The following MICAL3 variants were observed in gnomAD, a reference collection of about 807,000 sequenced individuals.
The protein encoded by MICAL3 is microtubule associated monooxygenase, calponin and LIM domain containing 3.
In MICAL3, 62 loss-of-function variants were observed where a neutral mutation model predicts 207.4. The ratio of observed to expected loss-of-function variants is 0.30; its 90% CI spans 0.24 to 0.37. The LOEUF (loss-of-function observed/expected upper bound fraction) is 0.37, where lower values mean the gene tolerates loss of function less well. Among genes scored for constraint, MICAL3 ranks in the 10% least tolerant of loss-of-function variants. The pLI is 1.00. For missense variants in MICAL3, 2,368 were observed against 2,635.6 expected (o/e 0.90, Z 2.22); for synonymous variants, 1,077 against 1,069.3 (o/e 1.01, Z -0.14).
intron 27 of MICAL3, among the ~76,000 whole-genome samples, chr22:17,811,839 G>GCTC (rs2062051591): frequency 2.6e-5 from 4 of 152,178 alleles, no homozygotes; most frequent in Non-Finnish European, 5.9e-5. Context: ...CAAACTCCTG[G>GCTC]ACTCACGTGA....
At chr22:17,811,993 C>T (rs2062053564) in intron 27 of MICAL3, among the ~76,000 whole-genome samples, 2 of 152,176 alleles carry the variant, frequency 1.3e-5, no homozygotes, top group Non-Finnish European at 2.9e-5. Context: ...AAGTGATTCT[C>T]CCACTTCAGC....
At position 17,973,515 on chromosome 22, in the gene MICAL3, G is replaced by A. The variant is rs182745254; in HGVS notation, c.-75+50766C>T. Reference sequence around the variant, plus strand: ...GGGTGTGAAGCTGATGGCCACAACCGACCCCTTCCAGCCCCACTGTGGAAC... The same window carrying A: ...GGGTGTGAAGCTGATGGCCACAACCAACCCCTTCCAGCCCCACTGTGGAAC... On this transcript the variant is annotated intron_variant, in intron 1 of 31. Coordinates refer to ENST00000441493, the MANE Select transcript of MICAL3 (RefSeq NM_015241.3). 9.2e-5 allele frequency among the ~76,000 whole-genome samples: 14 copies of A among 152,286 alleles called. No individual in the cohort carries two copies. In the East Asian group the frequency reaches 1.4e-3, roughly 15 times the overall value.
intron 1 of MICAL3, among the ~76,000 whole-genome samples, chr22:17,949,046 C>T (rs1473110488): frequency 6.7e-6 from 1 of 148,734 alleles, no homozygotes; most frequent in Admixed American, 6.8e-5. Context: ...CCCATCTCTG[C>T]TAAAAATACA....
intron 1 of MICAL3, among the ~76,000 whole-genome samples, chr22:17,998,090 T>A (rs1922496863): frequency 6.6e-6 from 1 of 152,022 alleles, no homozygotes. Context: ...TCACCTGAGG[T>A]CAGGAGTTCG....
intron 19 of MICAL3, among the ~76,000 whole-genome samples, chr22:17,847,145 A>T (rs999400778): frequency 2.6e-5 from 4 of 152,116 alleles, no homozygotes; most frequent in African/African-American, 9.7e-5. Flanking sequence ...TCCTCCCTGC[A>T]GTGGTGGCAA....
intron 16 of MICAL3, chr22:17,872,737 C>G (rs752207582): frequency 6.5e-7 from 1 of 1,541,280 alleles, no homozygotes; most frequent in East Asian, 2.2e-5. Context: ...TGCCTGGAGG[C>G]GTCTCTTACC....
At chr22:18,004,364 C>G (rs896088030) in intron 1 of MICAL3, 2 of 151,268 alleles carry the variant, frequency 1.3e-5, no homozygotes, top group Admixed American at 1.3e-4. Flanking sequence ...TGGGTTCAAG[C>G]GATTCTCCTG....
At chr22:17,911,171 G>C (rs966742507) in intron 1 of MICAL3, among the ~76,000 whole-genome samples, 3 of 152,134 alleles carry the variant, frequency 2.0e-5, no homozygotes, top group Non-Finnish European at 4.4e-5. Flanking sequence ...CTGCAGAGAC[G>C]GCCTCTGAAG....
chr22:17,870,620 G>A (rs1927631757), intron 17 of MICAL3, among the ~76,000 whole-genome samples: 1 of 152,126 alleles, frequency 6.6e-6, no homozygotes, highest in Non-Finnish European at 1.5e-5. Flanking sequence ...TGAGCATCAG[G>A]GACAGCTCAG....
chr22:17,812,381 T>C (rs2145993910), intron 27 of MICAL3: 1 of 275,294 alleles, frequency 3.6e-6, no homozygotes, highest in Admixed American at 6.5e-5. Context: ...TGCCAGTGTG[T>C]GCCACAGCCC....
chr22:17,808,905 C>G lies in MICAL3; in HGVS notation c.5589G>C (p.Glu1863Asp), dbSNP rs2062014867. 6.4e-7 allele frequency: 1 copy of G among 1,554,048 alleles called. No homozygotes were observed. Among genetic ancestry groups the G allele is most frequent in the East Asian group, 2.4e-5 (1 of 41,056 alleles). ...CCCTTTCCTCCAGCCGCCGCTGCCT[C>G]TCCTCCACCTGCTGCAGCTGCCGCT... ...IIQRQLQQVE[E>D]RQRRLEERGV... Residue 1863 changes from glutamate to aspartate, a missense_variant, in exon 29 of 32, where the codon GAG becomes GAC. Coordinates refer to ENST00000441493, the MANE Select transcript of MICAL3 (RefSeq NM_015241.3).
At chr22:17,853,061 C>T (rs898781140) in intron 19 of MICAL3, among the ~76,000 whole-genome samples, 36 of 145,720 alleles carry the variant, frequency 2.5e-4, no homozygotes, top group Non-Finnish European at 4.8e-4. Flanking sequence ...GGTGACAGAG[C>T]GAGACTCCAT....
At position 17,885,880 on chromosome 22, in the gene MICAL3, G is replaced by C; in HGVS notation, c.2239C>G (p.Gln747Glu). 1 of 1,613,890 alleles carries C rather than the reference G, an allele frequency of 6.2e-7. No individual in the cohort carries two copies. Among genetic ancestry groups the C allele is most frequent in the Non-Finnish European group, 8.5e-7 (1 of 1,179,840 alleles). Reference sequence around the variant, plus strand: ...GGCAGGGCACGGGTTGGGTTTACCTGTCTCCGTATGCCGATGGACTGTGCG... The same window carrying C: ...GGCAGGGCACGGGTTGGGTTTACCTCTCTCCGTATGCCGATGGACTGTGCG... ...APAQSIGIRR[Q>E]GSMKKEFPQN... The change falls in exon 16 of 32, where the codon CAG becomes GAG. Residue 747 changes from glutamine to glutamate, a missense_variant and splice_region_variant. Coordinates refer to ENST00000441493, the MANE Select transcript of MICAL3 (RefSeq NM_015241.3).
Position 17,832,027 on chromosome 22 carries a change from A to C in MICAL3, c.2882T>G (p.Val961Gly), listed in dbSNP as rs748280428. The change falls in exon 21 of 32, where the codon GTT becomes GGT. Residue 961 changes from valine (V) to glycine (G), a missense_variant. Val to Gly is a moderately radical substitution (Grantham distance 109, BLOSUM62 -3). Transcript: ENST00000441493. ...GATCCGCACGGCCTCCTTCCACGGAACACCACCCAGGTCAGATGGGGGCAG... is the reference window on the plus strand; with the variant it reads ...GATCCGCACGGCCTCCTTCCACGGACCACCACCCAGGTCAGATGGGGGCAG... ...PRLPPSDLGG[V>G]PWKEAVRIHA... 1.9e-6 allele frequency: 3 copies of C among 1,605,552 alleles called. No individual in the cohort carries two copies. The highest frequency in any genetic ancestry group is 1.1e-5 in the South Asian group (1 of 89,432).
intron 1 of MICAL3, among the ~76,000 whole-genome samples, chr22:17,991,048 CAG>C (rs1160113705): frequency 6.6e-6 from 1 of 152,234 alleles, no homozygotes; most frequent in African/African-American, 2.4e-5. Flanking sequence ...GGCAGCGCAG[CAG>C]AGATGGTCCA....
At chr22:17,929,227 T>C (rs1715562301) in intron 1 of MICAL3, among the ~76,000 whole-genome samples, 1 of 150,678 alleles carries the variant, frequency 6.6e-6, no homozygotes, top group African/African-American at 2.4e-5. Flanking sequence ...GCCTCCCAAG[T>C]AGATGGAACT....
At chr22:17,960,503 G>A (rs1007106153) in intron 1 of MICAL3, among the ~76,000 whole-genome samples, 4 of 152,190 alleles carry the variant, frequency 2.6e-5, no homozygotes, top group African/African-American at 7.2e-5. Context: ...TGCGAACCCA[G>A]CATATGGGAA....
At chr22:17,877,059 G>A (rs369641334) in intron 16 of MICAL3, among the ~76,000 whole-genome samples, 26 of 114,806 alleles carry the variant, frequency 2.3e-4, no homozygotes, top group Middle Eastern at 5.6e-3. Flanking sequence ...GGTTAGGGAG[G>A]TTATGGAGGT....
At chr22:17,986,233 T>C (rs1359725833) in intron 1 of MICAL3, among the ~76,000 whole-genome samples, 1 of 152,154 alleles carries the variant, frequency 6.6e-6, no homozygotes, top group African/African-American at 2.4e-5. Context: ...AGGTCCGTAA[T>C]GACTGGTCCG....
Sources: allele counts gnomAD v4.1 joint callset (sites outside exome capture counted in the v4.1 genomes callset), GRCh38; gene constraint gnomAD v4.1.1; transcripts MANE v1.5; gene names NCBI Gene and HGNC (gene_info 2026-07-23, HGNC 2026-07-21).